Variants in EIF4G3 observed in about 807,000 individuals in gnomAD.
The protein encoded by EIF4G3 is eukaryotic translation initiation factor 4 gamma 3.
A neutral mutation model predicts 186.4 loss-of-function variants in EIF4G3; 34 were observed. The ratio of observed to expected loss-of-function variants is 0.18; its 90% CI spans 0.14 to 0.24. The LOEUF (loss-of-function observed/expected upper bound fraction) is 0.24. EIF4G3 is among the 10% of genes least tolerant of loss of function. The probability of loss-of-function intolerance (pLI) is 1.00; values close to 1 mark genes in which losing one functional copy is unlikely to be tolerated. For synonymous variants in EIF4G3, 673 were observed against 679.5 expected, an observed-to-expected ratio of 0.99 and a Z score of 0.15; for missense variants, 1,536 against 1,948.5, an observed-to-expected ratio of 0.79 and a Z score of 3.99.
chr1:21,118,361 T>A (rs933725792), intron 2 of EIF4G3, among the ~76,000 whole-genome samples: 1 of 152,190 alleles, frequency 6.6e-6, no homozygotes, highest in Non-Finnish European at 1.5e-5. Context: ...CGAAAGAAAC[T>A]GTCATAGTTT....
intron 36 of EIF4G3, among the ~76,000 whole-genome samples, chr1:20,808,814 G>T (rs960237097): frequency 2.0e-5 from 3 of 151,688 alleles, no homozygotes; most frequent in Admixed American, 1.3e-4. Flanking sequence ...TTTAATTCTC[G>T]GTTTTACTCT....
intron 3 of EIF4G3, among the ~76,000 whole-genome samples, chr1:21,056,939 G>T (rs1364863897): frequency 6.6e-6 from 1 of 152,158 alleles, no homozygotes; most frequent in Non-Finnish European, 1.5e-5. Context: ...ATATATGTTT[G>T]TGTGTACTGC....
intron 20 of EIF4G3, among the ~76,000 whole-genome samples, chr1:20,875,568 C>T (rs1419525076): frequency 2.0e-5 from 3 of 152,150 alleles, no homozygotes; most frequent in Admixed American, 6.5e-5. Context: ...CCAGAAAGCA[C>T]ATATGTTAGT....
chr1:20,959,267 T>C (rs1381024932), intron 12 of EIF4G3, among the ~76,000 whole-genome samples: 1 of 151,940 alleles, frequency 6.6e-6, no homozygotes, highest in East Asian at 1.9e-4. Flanking sequence ...CAACAAAGCA[T>C]ATAAAAACAT....
chr1:20,819,470 T>C (rs1485256495), intron 33 of EIF4G3, among the ~76,000 whole-genome samples: 2 of 151,748 alleles, frequency 1.3e-5, no homozygotes, highest in Non-Finnish European at 2.9e-5. Context: ...TATTTATTTA[T>C]TTATTTAGAC....
At chr1:21,068,664 A>G (rs956583701) in intron 3 of EIF4G3, among the ~76,000 whole-genome samples, 5 of 152,170 alleles carry the variant, frequency 3.3e-5, no homozygotes, top group African/African-American at 1.2e-4. Context: ...CTATTTGCCA[A>G]CTAACAATGG....
intron 12 of EIF4G3, among the ~76,000 whole-genome samples, chr1:20,967,752 T>A (rs1361945487): frequency 6.6e-6 from 1 of 152,242 alleles, no homozygotes; most frequent in Non-Finnish European, 1.5e-5. Context: ...AATATTTTTA[T>A]GAACTTTTTA....
At chr1:20,929,681 T>A (rs2095190118) in intron 14 of EIF4G3, 1 of 152,238 alleles carries the variant, frequency 6.6e-6, no homozygotes, top group African/African-American at 2.4e-5. Flanking sequence ...ACATCACATT[T>A]TATCTTTACA....
At chr1:21,133,082 C>G (rs913667591) in intron 2 of EIF4G3, among the ~76,000 whole-genome samples, 1 of 152,240 alleles carries the variant, frequency 6.6e-6, no homozygotes, top group East Asian at 1.9e-4. Context: ...TCATGCCCGG[C>G]CCCAAATTTT....
intron 3 of EIF4G3, among the ~76,000 whole-genome samples, chr1:21,060,192 C>T (rs757089628): frequency 2.6e-5 from 4 of 152,196 alleles, no homozygotes; most frequent in African/African-American, 7.2e-5. Context: ...TCAAGGGGTC[C>T]GCCTGCCTTG....
chr1:20,989,310 C>G lies in EIF4G3; in HGVS notation c.178-6902G>C, dbSNP rs547945357. Among the ~76,000 whole-genome samples, 63 of 151,282 alleles carry G rather than the reference C, an allele frequency of 4.2e-4. 1 individual carries two copies. Among genetic ancestry groups the G allele is most frequent in the African/African-American group, 1.4e-3 (59 of 41,208 alleles). ...GTGGCTCACGCTTGTAATCCCAACA[C>G]TTCGGGAAGTGGAGGCGGGTGGATC... is the stretch of plus-strand genomic sequence containing the variant. On this transcript the variant is annotated intron_variant, in intron 7 of 36. Transcript: ENST00000602326.
intron 30 of EIF4G3, among the ~76,000 whole-genome samples, chr1:20,836,768 C>T (rs2066876307): frequency 6.6e-6 from 1 of 152,140 alleles, no homozygotes; most frequent in South Asian, 2.1e-4. Context: ...AAAGTCATTC[C>T]AGTTCTGTGA....
At chr1:20,900,410 C>G (rs1296835153) in intron 15 of EIF4G3, among the ~76,000 whole-genome samples, 1 of 151,546 alleles carries the variant, frequency 6.6e-6, no homozygotes, top group Non-Finnish European at 1.5e-5. Context: ...TAAAACTGAT[C>G]ATATCTCATT....
chr1:20,999,250 A>G (rs2082954924), intron 6 of EIF4G3: 11 of 281,002 alleles, frequency 3.9e-5, no homozygotes, highest in South Asian at 3.3e-4. Context: ...GTTTTTCAGA[A>G]TGATGATAAC....
At chr1:21,042,074 C>T (rs1292205631) in intron 4 of EIF4G3, among the ~76,000 whole-genome samples, 1 of 151,608 alleles carries the variant, frequency 6.6e-6, no homozygotes, top group African/African-American at 2.4e-5. Flanking sequence ...GCAGCCTTGA[C>T]CTTCTGGACT....
intron 14 of EIF4G3, among the ~76,000 whole-genome samples, chr1:20,933,612 C>T (rs1382605970): frequency 6.6e-6 from 1 of 151,992 alleles, no homozygotes; most frequent in African/African-American, 2.4e-5. Flanking sequence ...GCTGAGATCA[C>T]ACCACCGCAC....
chr1:21,113,243 G>A (rs979317692), intron 2 of EIF4G3, among the ~76,000 whole-genome samples: 29 of 148,608 alleles, frequency 2.0e-4, no homozygotes, highest in African/African-American at 6.9e-4. Context: ...TCACTTTCAT[G>A]TCTGGTTTAA....
intron 4 of EIF4G3, among the ~76,000 whole-genome samples, chr1:21,004,876 T>C (rs775982364): frequency 1.8e-4 from 27 of 152,146 alleles, no homozygotes; most frequent in Non-Finnish European, 3.7e-4. Flanking sequence ...TTCAACGTGG[T>C]AATCTTAATA....
chr1:21,053,352 C>A (rs965376857), intron 3 of EIF4G3, among the ~76,000 whole-genome samples: 1 of 149,834 alleles, frequency 6.7e-6, no homozygotes, highest in Non-Finnish European at 1.5e-5. Flanking sequence ...CAGCAGCCAC[C>A]CCGTCTGGGA....
Sources: allele counts gnomAD v4.1 joint callset (sites outside exome capture counted in the v4.1 genomes callset), GRCh38; gene constraint gnomAD v4.1.1; transcripts MANE v1.5; gene names NCBI Gene and HGNC (gene_info 2026-07-23, HGNC 2026-07-21).